The following CNTN1 variants were observed in gnomAD, a reference collection of about 807,000 sequenced individuals.
The protein encoded by CNTN1 is contactin-1.
CNTN1 carries 38 observed loss-of-function variants against 126.4 expected under a neutral mutation model. That is an observed-to-expected ratio of 0.30 (90% CI 0.23 to 0.39). The LOEUF is 0.39. CNTN1 is among the 10% of genes least tolerant of loss of function. The pLI is 1.00. For synonymous variants in CNTN1, 413 were observed against 422.6 expected, an observed-to-expected ratio of 0.98 and a Z score of 0.28; for missense variants, 1,009 against 1,248.4, an observed-to-expected ratio of 0.81 and a Z score of 2.89.
intron 1 of CNTN1, among the ~76,000 whole-genome samples, chr12:40,773,341 T>C (rs549632404): frequency 6.6e-6 from 1 of 151,856 alleles, no homozygotes; most frequent in South Asian, 2.1e-4. Context: ...GTTTTAGTTT[T>C]AATTTTACAT....
At chr12:40,848,652 C>G (rs1942604444) in intron 1 of CNTN1, among the ~76,000 whole-genome samples, 2 of 151,940 alleles carry the variant, frequency 1.3e-5, no homozygotes, top group African/African-American at 4.8e-5. Context: ...CGAAAATGCT[C>G]TTTTGATTTT....
At position 41,016,902 on chromosome 12, in the gene CNTN1, A is replaced by G. The variant is rs1045678962; in HGVS notation, c.2405A>G (p.Asn802Ser). 1 of 1,613,806 alleles carries G rather than the reference A, an allele frequency of 6.2e-7. No individual in the cohort carries two copies. Among genetic ancestry groups the G allele is most frequent in the Non-Finnish European group, 8.5e-7 (1 of 1,179,798 alleles). ...CCTTACAGCCTAGTAGCAGTCATTA[A>G]TTCAGCACAAGACGGTAGGTGAAAG... ...DGPYSLVAVI[N>S]SAQDAPSEAP... The change falls in exon 19 of 24, where the codon AAT becomes AGT. Residue 802 changes from asparagine to serine, a missense_variant. Asn to Ser is a conservative substitution (Grantham distance 46, BLOSUM62 1). Coordinates refer to ENST00000551295, the MANE Select transcript of CNTN1 (RefSeq NM_001843.4).
intron 20 of CNTN1, among the ~76,000 whole-genome samples, chr12:41,024,636 A>G (rs77887037): frequency 0.022 from 3,365 of 152,274 alleles, 120 homozygotes; most frequent in African/African-American, 0.077. Flanking sequence ...AACATTAGAT[A>G]CTTCTGAAAG....
intron 23 of CNTN1, among the ~76,000 whole-genome samples, chr12:41,032,227 A>T (rs1220527481): frequency 6.6e-6 from 1 of 152,122 alleles, no homozygotes; most frequent in African/African-American, 2.4e-5. Flanking sequence ...GGGGTTTTTT[A>T]AAACACAAAT....
At chr12:40,959,000 C>G (rs1947003630) in intron 14 of CNTN1, 114 bp from the exon 15 acceptor site, 1 of 1,256,800 alleles carries the variant, frequency 8.0e-7, no homozygotes, top group Non-Finnish European at 1.1e-6. Flanking sequence ...GTCTAAAACA[C>G]ATTCTTTAAG....
chr12:41,013,178 G>A (rs1237862509), intron 17 of CNTN1, among the ~76,000 whole-genome samples: 2 of 152,148 alleles, frequency 1.3e-5, no homozygotes, highest in Non-Finnish European at 2.9e-5. Flanking sequence ...GTTGGTCACT[G>A]TACCCTAATC....
At chr12:40,874,250 A>G (rs772706149) in intron 1 of CNTN1, among the ~76,000 whole-genome samples, 29 of 152,116 alleles carry the variant, frequency 1.9e-4, no homozygotes, top group Non-Finnish European at 4.1e-4. Flanking sequence ...ATCTATATAA[A>G]GAATTTAGTA....
intron 1 of CNTN1, among the ~76,000 whole-genome samples, chr12:40,845,874 TAAAG>T (rs1942481435): frequency 6.6e-6 from 1 of 152,060 alleles, no homozygotes; most frequent in South Asian, 2.1e-4. Flanking sequence ...CCAGTAAATG[TAAAG>T]AAAGTGTCAA....
chr12:40,981,441 T>C (rs1341062570), intron 16 of CNTN1, among the ~76,000 whole-genome samples: 2 of 152,136 alleles, frequency 1.3e-5, no homozygotes, highest in African/African-American at 2.4e-5. Context: ...TGGGTATATA[T>C]GTACTATAGT....
At chr12:40,768,725 C>T (rs1250067087) in intron 1 of CNTN1, among the ~76,000 whole-genome samples, 1 of 150,772 alleles carries the variant, frequency 6.6e-6, no homozygotes, top group Non-Finnish European at 1.5e-5. Flanking sequence ...ATTTTTACAA[C>T]AATGTTTTCA....
chr12:40,782,997 T>C (rs1423126241), intron 1 of CNTN1, among the ~76,000 whole-genome samples: 1 of 151,630 alleles, frequency 6.6e-6, no homozygotes. Flanking sequence ...AGGAGAGAAA[T>C]TGGTTTTGGG....
chr12:40,754,038 G>C (rs1306486357), intron 1 of CNTN1, among the ~76,000 whole-genome samples: 1 of 151,962 alleles, frequency 6.6e-6, no homozygotes, highest in African/African-American at 2.4e-5. Context: ...AAAGTTATCA[G>C]TTGATATTCC....
chr12:40,726,352 A>G (rs558751057), intron 1 of CNTN1, among the ~76,000 whole-genome samples: 1 of 152,366 alleles, frequency 6.6e-6, no homozygotes, highest in Admixed American at 6.5e-5. Context: ...TGGGTAATTT[A>G]TAAAGGAAAG....
intron 15 of CNTN1, among the ~76,000 whole-genome samples, chr12:40,967,405 A>G (rs1402161035): frequency 1.3e-5 from 2 of 152,076 alleles, no homozygotes; most frequent in African/African-American, 2.4e-5. Flanking sequence ...ACTTGAACCC[A>G]GGAGGTGGAG....
chr12:40,903,528 G>C (rs534972657), intron 1 of CNTN1, among the ~76,000 whole-genome samples: 7 of 151,950 alleles, frequency 4.6e-5, no homozygotes, highest in Non-Finnish European at 8.8e-5. Flanking sequence ...CACATTAGTA[G>C]GATGGGCTCA....
chr12:40,705,500 T>C (rs1283028713), intron 1 of CNTN1, among the ~76,000 whole-genome samples: 2 of 152,238 alleles, frequency 1.3e-5, no homozygotes, highest in African/African-American at 4.8e-5. Flanking sequence ...TGTTTAATAA[T>C]AGGTTTTAGA....
intron 1 of CNTN1, among the ~76,000 whole-genome samples, chr12:40,818,523 A>G (rs1354165843): frequency 6.6e-6 from 1 of 152,062 alleles, no homozygotes; most frequent in East Asian, 1.9e-4. Flanking sequence ...TCCATCATGT[A>G]ATTTATATTC....
intron 1 of CNTN1, among the ~76,000 whole-genome samples, chr12:40,772,054 T>C (rs1052045866): frequency 3.3e-5 from 5 of 151,968 alleles, no homozygotes; most frequent in African/African-American, 4.8e-5. Flanking sequence ...GGAGGAGAAA[T>C]CTGGTTATCC....
At chr12:41,006,970 T>C (rs975862407) in intron 17 of CNTN1, among the ~76,000 whole-genome samples, 7 of 151,306 alleles carry the variant, frequency 4.6e-5, no homozygotes, top group Non-Finnish European at 1.0e-4. Context: ...TGAAGGAGTT[T>C]GAAGGAGAGA....
Sources: allele counts gnomAD v4.1 joint callset (sites outside exome capture counted in the v4.1 genomes callset), GRCh38; gene constraint gnomAD v4.1.1; transcripts MANE v1.5; gene names NCBI Gene and HGNC (gene_info 2026-07-23, HGNC 2026-07-21).